ZFPM1: variants seen among roughly 807,000 people sequenced by gnomAD.
ZFPM1 encodes zinc finger protein, FOG family member 1.
ZFPM1 carries 28 observed loss-of-function variants against 46.3 expected under a neutral mutation model. The ratio of observed to expected loss-of-function variants is 0.60; its 90% CI spans 0.45 to 0.83. ZFPM1 has a LOEUF of 0.83. Ranked by LOEUF, ZFPM1 falls within the 40% of genes least tolerant of loss-of-function variation. The pLI is 0.00. For synonymous variants in ZFPM1, 957 were observed against 675.9 expected, an observed-to-expected ratio of 1.42 and a Z score of -6.45; for missense variants, 1,878 against 1,432.4, an observed-to-expected ratio of 1.31 and a Z score of -5.02.
intron 2 of ZFPM1, among the ~76,000 whole-genome samples, chr16:88,487,959 C>T (rs760149081): frequency 2.0e-5 from 3 of 152,242 alleles, no homozygotes; most frequent in Admixed American, 1.3e-4. Flanking sequence ...CCGTCCCCGT[C>T]GGCACACGCT....
intron 1 of ZFPM1, among the ~76,000 whole-genome samples, chr16:88,479,983 CA>C (rs888890819): frequency 1.3e-5 from 2 of 151,548 alleles, no homozygotes; most frequent in African/African-American, 4.9e-5. Context: ...GCTGTGGTGA[CA>C]ACCTCACATC....
intron 1 of ZFPM1, among the ~76,000 whole-genome samples, chr16:88,466,303 C>T (rs1908131749): frequency 6.6e-6 from 1 of 152,216 alleles, no homozygotes; most frequent in South Asian, 2.1e-4. Context: ...CTCTGCAGCC[C>T]TGGGAGGGGC....
At chr16:88,526,388 C>T (rs1912321552) in intron 4 of ZFPM1, among the ~76,000 whole-genome samples, 1 of 152,196 alleles carries the variant, frequency 6.6e-6, no homozygotes, top group Non-Finnish European at 1.5e-5. Context: ...GGTCCAGCCC[C>T]TGTGGGAACA....
At chr16:88,458,271 G>C (rs531819478) in intron 1 of ZFPM1, among the ~76,000 whole-genome samples, 1 of 152,320 alleles carries the variant, frequency 6.6e-6, no homozygotes, top group East Asian at 1.9e-4. Flanking sequence ...CTGTGAAATG[G>C]GCCTTTGGGA....
At position 88,485,973 on chromosome 16, in the gene ZFPM1, G is replaced by C; in HGVS notation, c.75G>C (p.Val25=). ...SLGDMEAREE[V]QLVGASHMEQ... is the part of the protein sequence containing the mutation. ...GAGACATGGAGGCCAGAGAGGAGGT[G>C]CAGTTGGTGGGTGCCAGCCACATGG... Residue 25 remains valine (V), a synonymous_variant, in exon 2 of 10, where the codon GTG becomes GTC. Coordinates refer to ENST00000319555, the MANE Select transcript of ZFPM1 (RefSeq NM_153813.3). 6.2e-7 allele frequency: 1 copy of C among 1,612,864 alleles called. No individual in the cohort carries two copies. Among genetic ancestry groups the C allele is most frequent in the Non-Finnish European group, 8.5e-7 (1 of 1,179,912 alleles).
intron 3 of ZFPM1, among the ~76,000 whole-genome samples, chr16:88,490,138 C>G (rs914888865): frequency 6.6e-6 from 1 of 151,890 alleles, no homozygotes; most frequent in Non-Finnish European, 1.5e-5. Flanking sequence ...ACTGCAAGCT[C>G]CGCCTCCCAG....
chr16:88,462,800 G>C (rs116525957), intron 1 of ZFPM1, among the ~76,000 whole-genome samples: 3,808 of 152,132 alleles, frequency 0.025, 149 homozygotes, highest in African/African-American at 0.087. Flanking sequence ...CCCGGTCTTC[G>C]TGCAAGTCAC....
intron 1 of ZFPM1, among the ~76,000 whole-genome samples, chr16:88,460,964 G>GC (rs567578246): frequency 0.019 from 772 of 41,332 alleles, 216 homozygotes; most frequent in African/African-American, 0.046. Flanking sequence ...GGGGCGGGAG[G>GC]CCTGGTGAGG....
chr16:88,516,693 G>A (rs947912696), intron 4 of ZFPM1: 16 of 397,952 alleles, frequency 4.0e-5, no homozygotes, highest in Non-Finnish European at 6.6e-5. Context: ...GGCCCCTGTC[G>A]CTCTTGGCTG....
chr16:88,502,060 C>T (rs1320829240), intron 3 of ZFPM1, among the ~76,000 whole-genome samples: 1 of 135,454 alleles, frequency 7.4e-6, no homozygotes, highest in Non-Finnish European at 1.6e-5. Flanking sequence ...CCACCCGCCC[C>T]CCCCCATTTA....
intron 5 of ZFPM1, among the ~76,000 whole-genome samples, chr16:88,527,797 G>A (rs1012709017): frequency 2.0e-5 from 3 of 151,472 alleles, no homozygotes; most frequent in Non-Finnish European, 4.4e-5. Flanking sequence ...AGACTTCCTC[G>A]GGGCCCTCCC....
intron 4 of ZFPM1, among the ~76,000 whole-genome samples, chr16:88,520,088 G>T (rs528152932): frequency 1.3e-5 from 2 of 151,078 alleles, no homozygotes; most frequent in South Asian, 2.1e-4. Context: ...TGAGTGGGTG[G>T]GTGGATAGAT....
chr16:88,502,676 G>A (rs1339280773), intron 3 of ZFPM1, among the ~76,000 whole-genome samples: 4 of 152,358 alleles, frequency 2.6e-5, no homozygotes, highest in Admixed American at 1.3e-4. Flanking sequence ...CTGCCCCAGC[G>A]CCAGCAGCTG....
intron 5 of ZFPM1, among the ~76,000 whole-genome samples, chr16:88,527,525 G>C (rs886473778): frequency 6.6e-6 from 1 of 152,122 alleles, no homozygotes; most frequent in Non-Finnish European, 1.5e-5. Context: ...GCGCGTGAGC[G>C]GGCCGGCTCA....
At chr16:88,501,624 A>AGCG (rs1910332587) in intron 3 of ZFPM1, among the ~76,000 whole-genome samples, 1 of 127,602 alleles carries the variant, frequency 7.8e-6, no homozygotes, top group Non-Finnish European at 1.6e-5. Context: ...TGATGGAGAT[A>AGCG]GTGGGCCTGG....
chr16:88,465,126 AAC>A (rs924622421), intron 1 of ZFPM1, among the ~76,000 whole-genome samples: 5 of 152,284 alleles, frequency 3.3e-5, no homozygotes, highest in African/African-American at 1.2e-4. Context: ...CCAGACCATG[AAC>A]CACAGAGCAT....
intron 1 of ZFPM1, among the ~76,000 whole-genome samples, chr16:88,473,164 T>C (rs1029363748): frequency 6.6e-6 from 1 of 152,260 alleles, no homozygotes; most frequent in Non-Finnish European, 1.5e-5. Flanking sequence ...GCGTGACTTC[T>C]TCCTTTCTGA....
upstream of ZFPM1, among the ~76,000 whole-genome samples, chr16:88,452,463 G>A (rs969076180): frequency 2.0e-5 from 3 of 152,234 alleles, no homozygotes; most frequent in African/African-American, 7.2e-5. Context: ...GCAACGCCCA[G>A]GGCTGCCGGC....
rs1452102042 is a variant in ZFPM1, at chr16:88,534,541, G to C, written c.2583G>C (p.Pro861=). 3 of 1,382,250 alleles carry C rather than the reference G, an allele frequency of 2.2e-6. No individual in the cohort carries two copies. Among genetic ancestry groups the C allele is most frequent in the Non-Finnish European group, 2.8e-6 (3 of 1,070,712 alleles). The allele number at this position is 1,382,250 out of a possible 1,614,324, so 85.6% of individuals were successfully genotyped here. The part of the protein sequence containing the change: ...LPAAACPYCP[P]NGPVRGDLLE... ...CCGCCGCCTGCCCCTACTGCCCCCC[G>C]AACGGCCCGGTGCGCGGGGACCTGC... The change falls in exon 10 of 10, where the codon CCG becomes CCC. Residue 861 remains proline, a synonymous_variant. Coordinates refer to ENST00000319555, the MANE Select transcript of ZFPM1 (RefSeq NM_153813.3).
Sources: gnomAD v4.1 joint callset for allele counts (sites outside exome capture counted in the v4.1 genomes callset) on GRCh38, gnomAD v4.1.1 for gene constraint, MANE v1.5 for transcripts, NCBI Gene and HGNC (gene_info 2026-07-23, HGNC 2026-07-21) for gene names.